PTAFR: variants seen among roughly 807,000 people sequenced by gnomAD.
PTAFR encodes platelet activating factor receptor.
PTAFR carries 8 observed loss-of-function variants against 14.7 expected under a neutral mutation model. The ratio of observed to expected loss-of-function variants is 0.54; its 90% CI spans 0.32 to 0.98. The LOEUF (loss-of-function observed/expected upper bound fraction) is 0.98, where lower values mean the gene tolerates loss of function less well. Among genes scored for constraint, PTAFR ranks in the 50% least tolerant of loss-of-function variants. PTAFR has a pLI of 0.04. For missense variants in PTAFR, 337 were observed against 451.2 expected (o/e 0.75, Z 2.29); for synonymous variants, 156 against 176.5 (o/e 0.88, Z 0.92).
intron 1 of PTAFR, among the ~76,000 whole-genome samples, chr1:28,189,490 G>A (rs548476590): frequency 6.6e-6 from 1 of 151,818 alleles, no homozygotes; most frequent in South Asian, 2.1e-4. Context: ...GCGCGCGCCT[G>A]TAGTCCCAGC....
upstream of PTAFR, among the ~76,000 whole-genome samples, chr1:28,177,493 A>G (rs1646527607): frequency 1.3e-5 from 2 of 152,116 alleles, no homozygotes; most frequent in Admixed American, 1.3e-4. Flanking sequence ...GGCTCAAGGG[A>G]TCCTTCCGCC....
intron 1 of PTAFR, among the ~76,000 whole-genome samples, chr1:28,160,565 C>T (rs1296115870): frequency 6.6e-6 from 1 of 150,718 alleles, no homozygotes; most frequent in Non-Finnish European, 1.5e-5. Flanking sequence ...CCCCGCCACC[C>T]CCCACACACA....
At chr1:28,190,134 G>A (rs913652360) in intron 1 of PTAFR, among the ~76,000 whole-genome samples, 5 of 151,806 alleles carry the variant, frequency 3.3e-5, no homozygotes, top group African/African-American at 4.8e-5. Flanking sequence ...CACCACGCCC[G>A]GCTAATTTTG....
In PTAFR at chr1:28,150,221, G is replaced by A; in HGVS notation, c.801C>T (p.Phe267=). The part of the protein sequence containing the change: ...LAELGFQDSK[F]HQAINDAHQV... ...GATGTGCATCATTAATGGCCTGGTG[G>A]AATTTGCTGTCCTGGAAGCCCAGCT... Residue 267 remains phenylalanine, a synonymous_variant, in exon 2 of 2, where the codon TTC becomes TTT. Transcript: ENST00000373857. The surrounding 1 kb of genome is among the most constrained non-coding windows in gnomAD (Gnocchi z 6.3). The A allele has an allele frequency of 6.2e-7, 1 of 1,613,750 alleles. No individual in the cohort carries two copies. The highest frequency in any genetic ancestry group is 1.1e-5 in the South Asian group (1 of 91,058).
At chr1:28,185,975 C>A (rs1203486761) in intron 1 of PTAFR, among the ~76,000 whole-genome samples, 1 of 151,716 alleles carries the variant, frequency 6.6e-6, no homozygotes, top group Non-Finnish European at 1.5e-5. Context: ...CTTCTTTTGG[C>A]CAAAGATATG....
chr1:28,189,820 T>A (rs936384254), intron 1 of PTAFR, among the ~76,000 whole-genome samples: 3 of 149,206 alleles, frequency 2.0e-5, no homozygotes, highest in South Asian at 4.3e-4. Context: ...TGCACACCAC[T>A]GTGTCCAGCT....
intron 1 of PTAFR, among the ~76,000 whole-genome samples, chr1:28,171,848 T>C (rs1022596634): frequency 6.6e-6 from 1 of 152,032 alleles, no homozygotes; most frequent in Non-Finnish European, 1.5e-5. Flanking sequence ...GGCCTGGGTC[T>C]CTCCTCCTGG....
intron 1 of PTAFR, among the ~76,000 whole-genome samples, chr1:28,193,041 G>A (rs1468953244): frequency 6.6e-6 from 1 of 152,168 alleles, no homozygotes; most frequent in East Asian, 1.9e-4. Context: ...TGTGTGGCCT[G>A]GCTGCCAGTG....
At chr1:28,179,146 G>A (rs1646542605), upstream of PTAFR, among the ~76,000 whole-genome samples, 1 of 152,110 alleles carries the variant, frequency 6.6e-6, no homozygotes, top group Non-Finnish European at 1.5e-5. Flanking sequence ...AAAAGGCAAG[G>A]CCTCAACTCT....
intron 1 of PTAFR, among the ~76,000 whole-genome samples, chr1:28,175,979 T>C (rs1200374896): frequency 6.6e-6 from 1 of 152,044 alleles, no homozygotes; most frequent in Non-Finnish European, 1.5e-5. Context: ...GGGTCAGCAC[T>C]GCCACCATCA....
At chr1:28,172,197 GT>G (rs1287736732) in intron 1 of PTAFR, among the ~76,000 whole-genome samples, 1 of 152,124 alleles carries the variant, frequency 6.6e-6, no homozygotes, top group Admixed American at 6.6e-5. Context: ...TATATTTTTA[GT>G]AGAGACAGGT....
intron 1 of PTAFR, among the ~76,000 whole-genome samples, chr1:28,164,945 G>A (rs545752088): frequency 2.7e-4 from 41 of 152,342 alleles, no homozygotes; most frequent in East Asian, 1.2e-3. Flanking sequence ...CTGGTAGGGC[G>A]AGAGCTGGGT....
At chr1:28,158,052 C>G (rs531347798) in intron 1 of PTAFR, among the ~76,000 whole-genome samples, 1 of 152,336 alleles carries the variant, frequency 6.6e-6, no homozygotes, top group South Asian at 2.1e-4. Context: ...GCTCCCGGAG[C>G]TGAGCAGTGC....
rs770533821 is a variant in PTAFR, at chr1:28,150,013, C to T, written c.1009G>A (p.Gly337Ser). Residue 337 changes from glycine to serine, a missense_variant, in exon 2 of 2, where the codon GGC becomes AGC. Physicochemically the swap from Gly to Ser is moderately conservative, Grantham distance 56. Coordinates refer to ENST00000373857, the MANE Select transcript of PTAFR (RefSeq NM_000952.5). The surrounding 1 kb of genome is among the most constrained non-coding windows in gnomAD (Gnocchi z 6.3). ...EVVVPFNQIP[G>S]NSLKN ...AGGGACTAATTTTTGAGGGAATTGC[C>T]AGGGATCTGGTTGAATGGCACAACC... 4 of 1,612,606 alleles carry T rather than the reference C, an allele frequency of 2.5e-6. No individual in the cohort carries two copies. The Admixed American group carries it at 6.7e-5, about 27-fold the overall frequency.
At chr1:28,151,221 C>G (rs944328683) in intron 1 of PTAFR, among the ~76,000 whole-genome samples, 162 bp from the exon 2 acceptor site, 1 of 151,870 alleles carries the variant, frequency 6.6e-6, no homozygotes, top group Non-Finnish European at 1.5e-5. Flanking sequence ...CTCTTGCTGC[C>G]CAGGCTGGAG....
upstream of PTAFR, among the ~76,000 whole-genome samples, chr1:28,178,539 G>A (rs1326247004): frequency 6.6e-6 from 1 of 151,992 alleles, no homozygotes; most frequent in Non-Finnish European, 1.5e-5. Context: ...AGGATTACAG[G>A]CATGACCCAC....
upstream of PTAFR, among the ~76,000 whole-genome samples, chr1:28,181,552 G>A (rs1304431841): frequency 6.6e-6 from 1 of 151,976 alleles, no homozygotes; most frequent in East Asian, 1.9e-4. Context: ...TTCAAGACCA[G>A]CCTCAACATG....
At chr1:28,177,209 C>G (rs1290923194), upstream of PTAFR, 1 of 152,314 alleles carries the variant, frequency 6.6e-6, no homozygotes, top group Non-Finnish European at 1.5e-5. Context: ...TGGGTCTGTG[C>G]GTCTCTGGAT....
In PTAFR at chr1:28,149,443, C is replaced by T. The variant is rs886447784; in HGVS notation, c.*550G>A. On this transcript the variant is annotated 3_prime_UTR_variant, in exon 2 of 2. Transcript: ENST00000373857. ...CTGCCTCCCAGGTTCAAGCGATTCT[C>T]CTGCCTCAGCCTCCTGAGTAGCTGG... 6.7e-6 allele frequency: 1 copy of T among 149,832 alleles called. No homozygotes were observed. The highest frequency in any genetic ancestry group is 2.5e-5 in the African/African-American group (1 of 39,988). The allele number at this position is 149,832 out of a possible 1,614,324, so 9.3% of individuals were successfully genotyped here.
Sources: gnomAD v4.1 joint callset for allele counts (sites outside exome capture counted in the v4.1 genomes callset) on GRCh38, gnomAD v4.1.1 for gene constraint, Gnocchi (gnomAD v3.1) non-coding constraint, MANE v1.5 for transcripts, NCBI Gene and HGNC (gene_info 2026-07-23, HGNC 2026-07-21) for gene names.